SEC14L3: variants seen among roughly 807,000 people sequenced by gnomAD.
The protein encoded by SEC14L3 is SEC14 like lipid binding 3, also known as SEC14-like protein 3.
A neutral mutation model predicts 57.4 loss-of-function variants in SEC14L3; 56 were observed. That is an observed-to-expected ratio of 0.97 (90% CI 0.79 to 1.22). The LOEUF is 1.22. Among genes scored for constraint, SEC14L3 ranks in the 50% most tolerant of loss-of-function variants. The pLI is 0.00. For synonymous variants in SEC14L3, 173 were observed against 194.4 expected (o/e 0.89, Z 0.92); for missense variants, 485 against 511.7 (o/e 0.95, Z 0.50).
chr22:30,462,219 T>G, intron 8 of SEC14L3, 27 bp from the exon 9 acceptor site: 1 of 1,596,400 alleles, frequency 6.3e-7, no homozygotes, highest in Non-Finnish European at 8.5e-7. Context: ...TCAAGGGTGG[T>G]TAGCAAGCAT....
chr22:30,454,770 AATATATT>A (rs1935063419), downstream of SEC14L3, among the ~76,000 whole-genome samples: 1 of 79,190 alleles, frequency 1.3e-5, no homozygotes, highest in Non-Finnish European at 2.1e-5. Flanking sequence ...TATAATATAT[AATATATT>A]ATTATATATT....
At chr22:30,471,703 G>A (rs1282853158) in intron 1 of SEC14L3, among the ~76,000 whole-genome samples, 1 of 152,200 alleles carries the variant, frequency 6.6e-6, no homozygotes, top group Non-Finnish European at 1.5e-5. Flanking sequence ...GCCTGGAAGT[G>A]GTGCTAGTCC....
At chr22:30,469,493 G>A (rs758012029) in intron 4 of SEC14L3, among the ~76,000 whole-genome samples, 2 of 152,154 alleles carry the variant, frequency 1.3e-5, no homozygotes, top group Non-Finnish European at 2.9e-5. Context: ...GCCCAGATCC[G>A]GGTACATGCC....
intron 12 of SEC14L3, among the ~76,000 whole-genome samples, chr22:30,451,623 G>T (rs985040812): frequency 6.6e-6 from 1 of 152,130 alleles, no homozygotes; most frequent in African/African-American, 2.4e-5. Flanking sequence ...TCTTGAGTTT[G>T]CAGGATAGCA....
chr22:30,454,591 TATA>T (rs1164286382), downstream of SEC14L3, among the ~76,000 whole-genome samples: 6 of 101,802 alleles, frequency 5.9e-5, no homozygotes, highest in Non-Finnish European at 1.0e-4. Context: ...ATAATATTAT[TATA>T]TATAATCTAT....
At position 30,466,362 on chromosome 22, in the gene SEC14L3, C is replaced by T. The variant is rs576812816; in HGVS notation, c.552G>A (p.Glu184=). 6.2e-7 allele frequency: 1 copy of T among 1,614,128 alleles called. No individual in the cohort carries two copies. The highest frequency in any genetic ancestry group is 1.1e-5 in the South Asian group (1 of 91,052). Residue 184 remains glutamate, a synonymous_variant, in exon 7 of 12, where the codon GAG becomes GAA. Coordinates refer to ENST00000215812, the MANE Select transcript of SEC14L3 (RefSeq NM_174975.5). ...TCACGATGAGCATGAACTTCAGGGT[C>T]TCTGGGTAATTCTCTTCAAGGAGGC... ...FFGLLEENYP[E]TLKFMLIVKA...
chr22:30,452,717 CTTTTT>C (rs71198554), intron 12 of SEC14L3, among the ~76,000 whole-genome samples: 1,898 of 131,618 alleles, frequency 0.014, 42 homozygotes, highest in African/African-American at 0.049. Flanking sequence ...TTCTTTCTTT[CTTTTT>C]TTTTTTTTTT....
At position 30,462,148 on chromosome 22, in the gene SEC14L3, G is replaced by T. The variant is rs930499289; in HGVS notation, c.709C>A (p.Leu237Met). 3 of 1,614,068 alleles carry T rather than the reference G, an allele frequency of 1.9e-6. No homozygotes were observed. Among genetic ancestry groups the T allele is most frequent in the African/African-American group, 2.7e-5 (2 of 74,920 alleles). ...GLLKLISPEE[L>M]PAQFGGTLTD... The stretch of plus-strand genomic sequence containing the variant: ...AGGGTGCCCCCAAACTGGGCAGGCA[G>T]TTCCTCAGGACTGATGAGTTTCAGC... The change falls in exon 9 of 12, where the codon CTG (leucine) becomes ATG (methionine). Residue 237 changes from leucine (L) to methionine (M), a missense_variant. Physicochemically the swap from Leu to Met is conservative, Grantham distance 15 (BLOSUM62 2). Coordinates refer to ENST00000215812, the MANE Select transcript of SEC14L3 (RefSeq NM_174975.5).
intron 1 of SEC14L3, 80 bp downstream of exon 1, chr22:30,471,825 G>T (rs1311962757): frequency 1.5e-5 from 24 of 1,581,140 alleles, no homozygotes; most frequent in East Asian, 4.5e-5. Flanking sequence ...AACTGAGTGG[G>T]GCAGGATTCC....
rs1436687516 is a variant in SEC14L3 at position 30,468,692 on chromosome 22, A to T, written c.239T>A (p.Ile80Asn). 1.2e-6 allele frequency: 2 copies of T among 1,613,594 alleles called. No homozygotes were observed. Among genetic ancestry groups the T allele is most frequent in the Non-Finnish European group, 8.5e-7 (1 of 1,179,702 alleles). The change falls in exon 5 of 12, where the codon ATC (isoleucine) becomes AAC (asparagine). Residue 80 changes from isoleucine (I) to asparagine (N), a missense_variant. Physicochemically the swap from Ile to Asn is moderately radical, Grantham distance 149. Coordinates refer to ENST00000215812, the MANE Select transcript of SEC14L3 (RefSeq NM_174975.5). ...CAGGCCCCCAGGCATGTACTTCTGG[A>T]TCACCTGGGCATGAAAAGATGCACA... ...HILDWQPPEV[I>N]QKYMPGGLCG...
Position 30,471,978 on chromosome 22 carries a change from G to T in SEC14L3, c.-20C>A. ...GCTCATGGTGCTGGCTGGGGCTTGA[G>T]GAGTGGTGGCCACTATAGGCAAGAG... is the stretch of plus-strand genomic sequence containing the variant. On this transcript the variant is annotated 5_prime_UTR_variant, in exon 1 of 12. Coordinates refer to ENST00000215812, the MANE Select transcript of SEC14L3 (RefSeq NM_174975.5). 1 of 1,593,466 alleles carries T rather than the reference G, an allele frequency of 6.3e-7. No homozygotes were observed. Among genetic ancestry groups the T allele is most frequent in the South Asian group, 1.1e-5 (1 of 88,682 alleles).
chr22:30,451,283 G>A (rs1265258374), intron 12 of SEC14L3, among the ~76,000 whole-genome samples: 2 of 152,156 alleles, frequency 1.3e-5, no homozygotes, highest in African/African-American at 4.8e-5. Context: ...GGGCAGGGGA[G>A]CGTGAAGAGA....
Position 30,470,125 on chromosome 22 carries a change from T to C in SEC14L3, c.175-47A>G, listed in dbSNP as rs1274055899. On this transcript the variant is annotated intron_variant, in intron 3 of 11. Transcript: ENST00000215812. Reference sequence around the variant, plus strand: ...AGATCCCACTGGGCTCCCAGTGCCCTGAGAACAGGGATGGAAGGAGGGGCT... The same window carrying C: ...AGATCCCACTGGGCTCCCAGTGCCCCGAGAACAGGGATGGAAGGAGGGGCT... 1.9e-6 allele frequency: 3 copies of C among 1,610,702 alleles called. No individual in the cohort carries two copies. In the East Asian group the frequency reaches 6.7e-5, roughly 36 times the overall value.
intron 12 of SEC14L3, among the ~76,000 whole-genome samples, chr22:30,453,272 G>C (rs753598235): frequency 1.6e-4 from 25 of 152,154 alleles, no homozygotes; most frequent in Non-Finnish European, 1.0e-4. Flanking sequence ...AGGCAGCTCT[G>C]TAGGTTGATA....
At chr22:30,467,167 T>A in intron 5 of SEC14L3, 90 bp from the exon 6 acceptor site, 1 of 1,575,718 alleles carries the variant, frequency 6.3e-7, no homozygotes, top group South Asian at 1.2e-5. Flanking sequence ...TGGGGCTTCT[T>A]CTAGACCCCG....
In SEC14L3 at chr22:30,461,456, G is replaced by C; in HGVS notation, c.935C>G (p.Ala312Gly). 6.2e-7 allele frequency: 1 copy of C among 1,613,676 alleles called. No homozygotes were observed. Among genetic ancestry groups the C allele is most frequent in the East Asian group, 2.2e-5 (1 of 44,866 alleles). Reference sequence around the variant, plus strand: ...CAGGAAAACTCCGAAGCCGATGTCCGCACCATCAGATGAGAACTGCCACCT... The same window carrying C: ...CAGGAAAACTCCGAAGCCGATGTCCCCACCATCAGATGAGAACTGCCACCT... ...VLRWQFSSDGADIGFGVFLKT... is the reference protein window; with the variant it reads ...VLRWQFSSDGGDIGFGVFLKT... The change falls in exon 11 of 12, where the codon GCG (alanine) becomes GGG (glycine). Residue 312 changes from alanine (A) to glycine (G), a missense_variant. Transcript: ENST00000215812.
At position 30,470,252 on chromosome 22, in the gene SEC14L3, C is replaced by A. The variant is rs752658817; in HGVS notation, c.134G>T (p.Arg45Leu). 3.1e-6 allele frequency: 5 copies of A among 1,613,322 alleles called. No individual in the cohort carries two copies. Among genetic ancestry groups the A allele is most frequent in the South Asian group, 1.1e-5 (1 of 90,912 alleles). Residue 45 changes from arginine (R) to leucine (L), a missense_variant, in exon 3 of 12, where the codon CGG (arginine) becomes CTG (leucine). Coordinates refer to ENST00000215812, the MANE Select transcript of SEC14L3 (RefSeq NM_174975.5). ...DYFLLRWLRARNFDLQKSEAL... is the reference protein window; with the variant it reads ...DYFLLRWLRALNFDLQKSEAL... Reference sequence around the variant, plus strand: ...CTCCGACTTCTGCAAGTCAAAATTCCGAGCTGTGGGAAAACAGAAGGAAGG... The same window carrying A: ...CTCCGACTTCTGCAAGTCAAAATTCAGAGCTGTGGGAAAACAGAAGGAAGG...
chr22:30,459,884 C>T lies in SEC14L3; in HGVS notation c.*137G>A. Reference sequence around the variant, plus strand: ...ATCTGACCACAGTAGATGAGTTTTCCCCAGGGCATCTCTTTCTGTACTCAC... The same window carrying T: ...ATCTGACCACAGTAGATGAGTTTTCTCCAGGGCATCTCTTTCTGTACTCAC... On this transcript the variant is annotated 3_prime_UTR_variant, in exon 12 of 12. Transcript: ENST00000215812. 2 of 1,422,332 alleles carry T rather than the reference C, an allele frequency of 1.4e-6. No individual in the cohort carries two copies. The highest frequency in any genetic ancestry group is 3.1e-5 in the South Asian group (2 of 64,798). 88.1% of individuals were successfully genotyped at this position (1,422,332 alleles called of 1,614,324 possible). A position where few individuals can be genotyped will look rare whatever the true frequency, so the allele number is the denominator to read the frequency against.
downstream of SEC14L3, chr22:30,459,188 C>T (rs1378840886): frequency 1.2e-6 from 1 of 841,220 alleles, no homozygotes; most frequent in Non-Finnish European, 1.4e-6. Context: ...ACTCACAAAG[C>T]TCTTGGCACA....
Sources: allele counts gnomAD v4.1 joint callset (sites outside exome capture counted in the v4.1 genomes callset), GRCh38; gene constraint gnomAD v4.1.1; transcripts MANE v1.5; gene names NCBI Gene and HGNC (gene_info 2026-07-23, HGNC 2026-07-21).